Variants in C8orf34 observed in about 807,000 individuals in gnomAD.
The protein encoded by C8orf34 is uncharacterized protein C8orf34.
A neutral mutation model predicts 68.3 loss-of-function variants in C8orf34; 65 were observed. The observed-to-expected ratio is 0.95, with a 90% CI of 0.78 to 1.17. C8orf34 has a LOEUF of 1.17. Among genes scored for constraint, C8orf34 ranks in the 50% most tolerant of loss-of-function variants. C8orf34 has a pLI of 0.00. For missense variants in C8orf34, 664 were observed against 655.4 expected (o/e 1.01, Z -0.14); for synonymous variants, 244 against 241.2 (o/e 1.01, Z -0.11).
chr8:68,535,440 A>G (rs1815424173), intron 7 of C8orf34: 2 of 978,318 alleles, frequency 2.0e-6, no homozygotes, highest in Non-Finnish European at 2.4e-6. Context: ...GTGATAAATA[A>G]GTGAAAGGTA....
chr8:68,434,194 G>T (rs1810561566), intron 1 of C8orf34, among the ~76,000 whole-genome samples: 1 of 152,134 alleles, frequency 6.6e-6, no homozygotes, highest in South Asian at 2.1e-4. Context: ...TGTTACATAG[G>T]TATTCATGTG....
At chr8:68,331,757 TC>T (rs1212722892) in intron 1 of C8orf34, among the ~76,000 whole-genome samples, 4 of 125,318 alleles carry the variant, frequency 3.2e-5, no homozygotes, top group Non-Finnish European at 7.2e-5. Flanking sequence ...TGTTGGATTT[TC>T]TTTTTTCTTT....
At chr8:68,595,130 A>AT (rs1817506341) in intron 7 of C8orf34, among the ~76,000 whole-genome samples, 1 of 151,224 alleles carries the variant, frequency 6.6e-6, no homozygotes, top group Non-Finnish European at 1.5e-5. Context: ...TAAAAAAAAA[A>AT]AAAAAAATTT....
intron 7 of C8orf34, among the ~76,000 whole-genome samples, chr8:68,617,558 G>A (rs1341739715): frequency 6.6e-6 from 1 of 152,124 alleles, no homozygotes; most frequent in Non-Finnish European, 1.5e-5. Flanking sequence ...TAGTTTGGCT[G>A]GATATGAAAT....
chr8:68,664,291 C>T (rs1163645317), intron 8 of C8orf34, among the ~76,000 whole-genome samples: 1 of 152,134 alleles, frequency 6.6e-6, no homozygotes, highest in Non-Finnish European at 1.5e-5. Context: ...GGCTGAATTC[C>T]TCCAGTAGTT....
chr8:68,393,125 A>C (rs1012713415), intron 1 of C8orf34, among the ~76,000 whole-genome samples: 1 of 152,136 alleles, frequency 6.6e-6, no homozygotes, highest in East Asian at 1.9e-4. Flanking sequence ...TTTGTGAATA[A>C]CGTGAATTCA....
intron 1 of C8orf34, among the ~76,000 whole-genome samples, chr8:68,351,404 T>A (rs554355517): frequency 8.8e-4 from 134 of 152,194 alleles, no homozygotes; most frequent in Non-Finnish European, 1.6e-3. Flanking sequence ...TTCTTTCATT[T>A]TGACCTTGGA....
At chr8:68,719,624 T>C (rs1239348414) in intron 9 of C8orf34, among the ~76,000 whole-genome samples, 3 of 151,844 alleles carry the variant, frequency 2.0e-5, no homozygotes, top group Admixed American at 2.0e-4. Context: ...TATGAATGAA[T>C]GAATACATAA....
chr8:68,710,001 G>A (rs1249492020), intron 9 of C8orf34, among the ~76,000 whole-genome samples: 1 of 151,840 alleles, frequency 6.6e-6, no homozygotes, highest in Non-Finnish European at 1.5e-5. Context: ...ATCTTCAACA[G>A]GAAAAAAACA....
At position 68,743,973 on chromosome 8, in the gene C8orf34, T is replaced by C. The variant is rs1362292177; in HGVS notation, c.1404+22536T>C. ...AAGACAGCAGTAACCTCTGCAGACT[T>C]AAATGTCCCTGTCTGACAGCTTTGA... On this transcript the variant is annotated intron_variant, in intron 10 of 13. Coordinates refer to ENST00000518698, the MANE Select transcript of C8orf34 (RefSeq NM_052958.4). Among the ~76,000 whole-genome samples, 5 of 152,050 alleles carry C rather than the reference T, an allele frequency of 3.3e-5. No individual in the cohort carries two copies. In the South Asian group the frequency reaches 8.3e-4, roughly 25 times the overall value.
intron 8 of C8orf34, among the ~76,000 whole-genome samples, chr8:68,659,559 G>T (rs1364368750): frequency 6.6e-6 from 1 of 152,124 alleles, no homozygotes; most frequent in African/African-American, 2.4e-5. Flanking sequence ...GAGAAGCCAG[G>T]CAGAGAGAAA....
At chr8:68,641,391 G>C (rs1456295955) in intron 8 of C8orf34, among the ~76,000 whole-genome samples, 1 of 152,156 alleles carries the variant, frequency 6.6e-6, no homozygotes, top group Non-Finnish European at 1.5e-5. Flanking sequence ...AAATAGAAAG[G>C]ACAGCTCTTA....
intron 7 of C8orf34, among the ~76,000 whole-genome samples, chr8:68,569,310 G>A (rs1277735012): frequency 6.6e-6 from 1 of 152,254 alleles, no homozygotes; most frequent in African/African-American, 2.4e-5. Context: ...GTTTGAGTGA[G>A]GCTGTCGCCT....
At chr8:68,738,811 A>C (rs1822195945) in intron 10 of C8orf34, among the ~76,000 whole-genome samples, 1 of 152,124 alleles carries the variant, frequency 6.6e-6, no homozygotes. Context: ...CCAACCAAAA[A>C]AAGGCCAGGA....
intron 7 of C8orf34, among the ~76,000 whole-genome samples, chr8:68,634,960 C>A (rs988752530): frequency 1.3e-5 from 2 of 152,116 alleles, no homozygotes; most frequent in African/African-American, 4.8e-5. Flanking sequence ...AGTGAACCAG[C>A]AAATGAATTC....
chr8:68,521,037 G>A (rs1250918763), intron 5 of C8orf34, among the ~76,000 whole-genome samples: 1 of 152,130 alleles, frequency 6.6e-6, no homozygotes, highest in Non-Finnish European at 1.5e-5. Flanking sequence ...TTCTTTGCCT[G>A]TAGCAAGTCT....
rs539335964 is a variant in C8orf34 at position 68,700,761 on chromosome 8, TG to T, written c.1242-8231del. 3.0e-3 allele frequency among the ~76,000 whole-genome samples: 451 copies of T among 152,186 alleles called. 1 individual carries two copies. The highest frequency in any genetic ancestry group is 5.3e-3 in the Non-Finnish European group (359 of 67,984). On this transcript the variant is annotated intron_variant, in intron 8 of 13. Coordinates refer to ENST00000518698, the MANE Select transcript of C8orf34 (RefSeq NM_052958.4). ...AAAGTCCCCCATAAATTTTTGATGTTGGTGACAGTTTTGACTTTTTTAAGGC... is the reference window on the plus strand; with the variant it reads ...AAAGTCCCCCATAAATTTTTGATGTTGTGACAGTTTTGACTTTTTTAAGGC...
At chr8:68,395,092 A>G (rs1276361244) in intron 1 of C8orf34, among the ~76,000 whole-genome samples, 1 of 152,110 alleles carries the variant, frequency 6.6e-6, no homozygotes, top group Non-Finnish European at 1.5e-5. Flanking sequence ...GTAACAGAAC[A>G]TTCCTAAATG....
At chr8:68,615,781 G>T (rs193023024) in intron 7 of C8orf34, among the ~76,000 whole-genome samples, 2,604 of 152,204 alleles carry the variant, frequency 0.017, 39 homozygotes, top group Middle Eastern at 0.054. Flanking sequence ...CCCAGCTTTG[G>T]TATCAGGATG....
Sources: gnomAD v4.1 joint callset for allele counts (sites outside exome capture counted in the v4.1 genomes callset) on GRCh38, gnomAD v4.1.1 for gene constraint, MANE v1.5 for transcripts, NCBI Gene and HGNC (gene_info 2026-07-23, HGNC 2026-07-21) for gene names.